Variants in USH2A observed in about 807,000 individuals in gnomAD.
USH2A encodes usherin, also known as Usher syndrome 2A (autosomal recessive, mild).
A neutral mutation model predicts 538.9 loss-of-function variants in USH2A; 443 were observed. The ratio of observed to expected loss-of-function variants is 0.82; its 90% CI spans 0.76 to 0.89. USH2A has a LOEUF of 0.89. Among genes scored for constraint, USH2A ranks in the 40% least tolerant of loss-of-function variants. The pLI is 0.00. For missense variants in USH2A, 6,633 were observed against 6,324.8 expected (o/e 1.05, Z -1.65); for synonymous variants, 2,413 against 2,273.5 (o/e 1.06, Z -1.75).
rs76708462 is a variant in USH2A, at chr1:216,081,168, G to A, written c.5298+2288C>T. ...TCAAGGTTTGTGAAGCCCAATACAA[G>A]ACACAAGATCAGGGTATTGGTAGAA... On this transcript the variant is annotated intron_variant, in intron 26 of 71. Coordinates refer to ENST00000307340, the MANE Select transcript of USH2A (RefSeq NM_206933.4). Among the ~76,000 whole-genome samples the A allele has an allele frequency of 4.9e-3, 749 of 152,174 alleles. 9 individuals are homozygous for A. The highest frequency in any genetic ancestry group is 0.017 in the African/African-American group (715 of 41,538).
At chr1:215,912,702 T>C (rs117560704) in intron 38 of USH2A, among the ~76,000 whole-genome samples, 1,821 of 152,066 alleles carry the variant, frequency 0.012, 31 homozygotes, top group East Asian at 0.063. Flanking sequence ...AGGTTTGTTA[T>C]GTAGGTAAAC....
intron 35 of USH2A, among the ~76,000 whole-genome samples, chr1:215,992,534 G>A (rs1391367407): frequency 1.3e-5 from 2 of 152,138 alleles, no homozygotes; most frequent in African/African-American, 4.8e-5. Flanking sequence ...TTTAAAAACA[G>A]CATGTTGAAA....
intron 40 of USH2A, among the ~76,000 whole-genome samples, chr1:215,894,470 C>T (rs1665276326): frequency 6.6e-6 from 1 of 152,116 alleles, no homozygotes; most frequent in African/African-American, 2.4e-5. Flanking sequence ...CACATGTTTC[C>T]TTCCTCTTCT....
rs1207162298 is a variant in USH2A, at chr1:215,881,167, G to A, written c.8224-2069C>T. 4.6e-5 allele frequency among the ~76,000 whole-genome samples: 7 copies of A among 152,130 alleles called. No homozygotes were observed. The East Asian group carries it at 5.8e-4, about 13-fold the overall frequency. ...GTTTTTTCTTTTTTTTTAAGACAGC[G>A]TCTCACTCTGTCACCCAGCCTGGAG... On this transcript the variant is annotated intron_variant, in intron 41 of 71. Coordinates refer to ENST00000307340, the MANE Select transcript of USH2A (RefSeq NM_206933.4).
At chr1:215,734,596 C>T (rs1469366391) in intron 60 of USH2A, among the ~76,000 whole-genome samples, 1 of 152,172 alleles carries the variant, frequency 6.6e-6, no homozygotes, top group Admixed American at 6.5e-5. Flanking sequence ...AACTTTGAGT[C>T]ATTCCTTTGC....
chr1:215,828,080 A>G (rs1010922384), intron 47 of USH2A, among the ~76,000 whole-genome samples: 1 of 152,130 alleles, frequency 6.6e-6, no homozygotes, highest in African/African-American at 2.4e-5. Context: ...TTGGTGAGGA[A>G]AAAAGGAGAA....
intron 11 of USH2A, among the ~76,000 whole-genome samples, chr1:216,270,676 A>G (rs1372926445): frequency 2.0e-5 from 3 of 151,140 alleles, no homozygotes; most frequent in African/African-American, 7.3e-5. Context: ...AATCCATTTA[A>G]TAAACTGCTA....
At chr1:216,255,141 A>G (rs1168486801) in intron 11 of USH2A, among the ~76,000 whole-genome samples, 2 of 152,168 alleles carry the variant, frequency 1.3e-5, no homozygotes, top group East Asian at 3.9e-4. Flanking sequence ...TTAAAATGCA[A>G]TCTTGGTCTT....
At chr1:216,112,449 G>C (rs1360153884) in intron 21 of USH2A, among the ~76,000 whole-genome samples, 1 of 152,072 alleles carries the variant, frequency 6.6e-6, no homozygotes, top group Non-Finnish European at 1.5e-5. Context: ...ATAAAACAAA[G>C]AAATGTGTTT....
In USH2A at chr1:216,247,098, A is replaced by C. The variant is rs368687374; in HGVS notation, c.2296T>G (p.Cys766Gly). ...CCTTTGGCTTCTTTTTTGCACTCAC[A>C]CTGCCCAGAGTGAGGATTGCAGAAT... ...NKFCNPHSGQ[C>G]ECKKEAKGLQ... The change falls in exon 13 of 72, where the codon TGT becomes GGT. Residue 766 changes from cysteine (C) to glycine (G), a missense_variant. Cys to Gly is a radical substitution (Grantham distance 159). Transcript: ENST00000307340. 1 of 1,613,994 alleles carries C rather than the reference A, an allele frequency of 6.2e-7. No individual in the cohort carries two copies. Among genetic ancestry groups the C allele is most frequent in the Admixed American group, 1.7e-5 (1 of 60,004 alleles).
intron 21 of USH2A, among the ~76,000 whole-genome samples, chr1:216,107,261 C>T (rs2032756482): frequency 6.6e-6 from 1 of 151,698 alleles, no homozygotes. Flanking sequence ...GGGAATTTGT[C>T]TATTTTGTCC....
intron 30 of USH2A, among the ~76,000 whole-genome samples, chr1:216,053,458 T>C (rs2030866087): frequency 6.7e-6 from 1 of 148,824 alleles, no homozygotes; most frequent in South Asian, 2.1e-4. Context: ...AGAAGTCTTT[T>C]TTTTTTTTTT....
At chr1:216,411,094 A>G (rs1462175593) in intron 3 of USH2A, among the ~76,000 whole-genome samples, 1 of 151,894 alleles carries the variant, frequency 6.6e-6, no homozygotes, top group African/African-American at 2.4e-5. Context: ...TAAAAAAAAA[A>G]TCTTAACATA....
intron 21 of USH2A, among the ~76,000 whole-genome samples, chr1:216,173,351 A>G (rs1412997345): frequency 6.6e-6 from 1 of 152,152 alleles, no homozygotes; most frequent in Non-Finnish European, 1.5e-5. Context: ...AAGCCAAGCT[A>G]CCACTAAAAA....
At chr1:216,352,089 G>A (rs1181615528) in intron 4 of USH2A, among the ~76,000 whole-genome samples, 2 of 152,124 alleles carry the variant, frequency 1.3e-5, no homozygotes, top group Admixed American at 1.3e-4. Flanking sequence ...ATGTAACAGA[G>A]TCGTCTGGAG....
At chr1:215,641,936 A>G (rs1384825817) in intron 67 of USH2A, among the ~76,000 whole-genome samples, 1 of 152,162 alleles carries the variant, frequency 6.6e-6, no homozygotes, top group Non-Finnish European at 1.5e-5. Context: ...TGCTTTTCCA[A>G]CATTGATTCT....
chr1:215,772,459 C>T (rs1165594495), intron 55 of USH2A, among the ~76,000 whole-genome samples: 2 of 152,182 alleles, frequency 1.3e-5, no homozygotes, highest in African/African-American at 4.8e-5. Flanking sequence ...AATTTCCCTA[C>T]AGGGAATCAT....
intron 61 of USH2A, among the ~76,000 whole-genome samples, chr1:215,695,508 C>A (rs1336821845): frequency 1.3e-5 from 2 of 152,052 alleles, no homozygotes; most frequent in African/African-American, 4.8e-5. Flanking sequence ...CAACCAGATT[C>A]TAAAACTTAC....
chr1:216,194,794 C>T (rs1394142001), intron 19 of USH2A, among the ~76,000 whole-genome samples: 10 of 152,110 alleles, frequency 6.6e-5, no homozygotes. Context: ...GAATACTGTT[C>T]TGAGAAATTT....
Sources: gnomAD v4.1 joint callset for allele counts (sites outside exome capture counted in the v4.1 genomes callset) on GRCh38, gnomAD v4.1.1 for gene constraint, MANE v1.5 for transcripts, NCBI Gene and HGNC (gene_info 2026-07-23, HGNC 2026-07-21) for gene names.